ST6GAL1: variants seen among roughly 807,000 people sequenced by gnomAD.
The protein encoded by ST6GAL1 is beta-galactoside alpha-2,6-sialyltransferase 1.
In ST6GAL1, 20 loss-of-function variants were observed where a neutral mutation model predicts 38.0. That is an observed-to-expected ratio of 0.53 (90% confidence interval 0.37 to 0.77). The LOEUF is 0.77. ST6GAL1 is among the 30% of genes least tolerant of loss of function. The pLI, the probability that ST6GAL1 is intolerant of heterozygous loss-of-function variation, is 0.00. For synonymous variants in ST6GAL1, 196 were observed against 188.2 expected, an observed-to-expected ratio of 1.04 and a Z score of -0.34; for missense variants, 432 against 496.4, an observed-to-expected ratio of 0.87 and a Z score of 1.23.
Position 187,077,562 on chromosome 3 carries a change from C to T in ST6GAL1, c.*1759C>T, listed in dbSNP as rs1719606226. On this transcript the variant is annotated 3_prime_UTR_variant, in exon 8 of 8. Coordinates refer to ENST00000169298, the MANE Select transcript of ST6GAL1 (RefSeq NM_173216.2). The stretch of plus-strand genomic sequence containing the variant: ...TTTCAAATTGATGCTCCCCTACTGA[C>T]TAGCTGTGCCACTCTGGGCAAATGC... The T allele has an allele frequency of 1.3e-5, 2 of 152,338 alleles. No homozygotes were observed. The highest frequency in any genetic ancestry group is 4.1e-4 in the South Asian group (2 of 4,834). The allele number at this position is 152,338 out of a possible 1,614,324, so 9.4% of individuals were successfully genotyped here.
Position 186,984,941 on chromosome 3 carries a change from C to G in ST6GAL1, c.-183+21015C>G, listed in dbSNP as rs150083402. ...TCTTTCTTTCTGAGATAGGGTCTCG[C>G]TCTGTCACCCAGGCTGAAGTGCAGT... On this transcript the variant is annotated intron_variant, in intron 2 of 7. Coordinates refer to ENST00000169298, the MANE Select transcript of ST6GAL1 (RefSeq NM_173216.2). Among the ~76,000 whole-genome samples, 217 of 151,494 alleles carry G rather than the reference C, an allele frequency of 1.4e-3. 1 individual carries two copies. Among genetic ancestry groups the G allele is most frequent in the African/African-American group, 4.9e-3 (200 of 41,198 alleles).
rs573004789 is a variant in ST6GAL1, at chr3:187,021,025, C to T, written c.-182-17717C>T. Among the ~76,000 whole-genome samples the T allele has an allele frequency of 4.6e-5, 7 of 150,924 alleles. No individual in the cohort carries two copies. In the East Asian group the frequency reaches 1.4e-3, roughly 30 times the overall value. Reference sequence around the variant, plus strand: ...TGTCACCCAGGCTGGAGTGCAATGGCGTGATCTCTGCCCACTGAGCCTCTG... The same window carrying T: ...TGTCACCCAGGCTGGAGTGCAATGGTGTGATCTCTGCCCACTGAGCCTCTG... On this transcript the variant is annotated intron_variant, in intron 2 of 7. Transcript: ENST00000169298.
chr3:187,026,609 C>T (rs958288804), intron 2 of ST6GAL1, among the ~76,000 whole-genome samples: 3 of 152,178 alleles, frequency 2.0e-5, no homozygotes, highest in Non-Finnish European at 4.4e-5. Context: ...ACTTACAGTA[C>T]AAAAGCCAGG....
chr3:187,030,349 A>G (rs1227967912), intron 2 of ST6GAL1, among the ~76,000 whole-genome samples: 1 of 152,220 alleles, frequency 6.6e-6, no homozygotes, highest in Non-Finnish European at 1.5e-5. Flanking sequence ...AACACTTGCT[A>G]GAGGCAACAA....
At chr3:187,033,083 G>A (rs1284685852) in intron 2 of ST6GAL1, among the ~76,000 whole-genome samples, 1 of 152,318 alleles carries the variant, frequency 6.6e-6, no homozygotes. Context: ...GCCCCCAAGA[G>A]TTTTGCCTTA....
At chr3:186,955,677 AT>A (rs1344764881) in intron 1 of ST6GAL1, among the ~76,000 whole-genome samples, 3 of 151,664 alleles carry the variant, frequency 2.0e-5, no homozygotes, top group African/African-American at 7.3e-5. Flanking sequence ...TAATTTTTGT[AT>A]TTTTAGTAGA....
intron 2 of ST6GAL1, among the ~76,000 whole-genome samples, chr3:186,980,603 C>CAAAAAAA (rs34503745): frequency 2.2e-5 from 2 of 92,168 alleles, no homozygotes; most frequent in African/African-American, 4.4e-5. Flanking sequence ...ACTAAAATTA[C>CAAAAAAA]AAAAAAAAAA....
chr3:187,050,887 T>C (rs1200371319), intron 4 of ST6GAL1, among the ~76,000 whole-genome samples: 1 of 152,238 alleles, frequency 6.6e-6, no homozygotes, highest in Non-Finnish European at 1.5e-5. Context: ...CTACTGGTGA[T>C]ACCAAGAGAA....
chr3:186,969,418 C>T (rs1196051676), intron 2 of ST6GAL1, among the ~76,000 whole-genome samples: 3 of 152,144 alleles, frequency 2.0e-5, no homozygotes, highest in African/African-American at 4.8e-5. Flanking sequence ...TTCCCGTAAA[C>T]ACTAATGATA....
intron 5 of ST6GAL1, among the ~76,000 whole-genome samples, chr3:187,056,143 G>C (rs1019082121): frequency 7.4e-4 from 112 of 151,288 alleles, no homozygotes; most frequent in Non-Finnish European, 1.9e-4. Context: ...GCTTTTTTTT[G>C]CTTTCCATTT....
chr3:186,935,445 A>G (rs1579249386), intron 1 of ST6GAL1, among the ~76,000 whole-genome samples: 1 of 152,238 alleles, frequency 6.6e-6, no homozygotes, highest in East Asian at 1.9e-4. Context: ...GCTGTTGTGA[A>G]TAGTGCTGCA....
intron 2 of ST6GAL1, among the ~76,000 whole-genome samples, chr3:186,968,509 A>G (rs775694909): frequency 6.6e-6 from 1 of 152,186 alleles, no homozygotes; most frequent in Non-Finnish European, 1.5e-5. Context: ...TCCGAGCTTT[A>G]TCCCTCCTTC....
At position 187,076,735 on chromosome 3, in the gene ST6GAL1, C is replaced by T; in HGVS notation, c.*932C>T. 1 of 398,270 alleles carries T rather than the reference C, an allele frequency of 2.5e-6. No homozygotes were observed. The highest frequency in any genetic ancestry group is 4.4e-6 in the Non-Finnish European group (1 of 226,046). 24.7% of individuals were successfully genotyped at this position (398,270 alleles called of 1,614,324 possible). A position where few individuals can be genotyped will look rare whatever the true frequency, so the allele number is the denominator to read the frequency against. On this transcript the variant is annotated 3_prime_UTR_variant, in exon 8 of 8. Coordinates refer to ENST00000169298, the MANE Select transcript of ST6GAL1 (RefSeq NM_173216.2). ...TTTGAATTGTGTTTTTCTTTCTTCCCATGTTTATTTTCTAAGATCTACCTG... is the reference window on the plus strand; with the variant it reads ...TTTGAATTGTGTTTTTCTTTCTTCCTATGTTTATTTTCTAAGATCTACCTG...
At chr3:186,967,325 G>C (rs1006275964) in intron 2 of ST6GAL1, among the ~76,000 whole-genome samples, 4 of 152,204 alleles carry the variant, frequency 2.6e-5, no homozygotes, top group African/African-American at 9.6e-5. Flanking sequence ...CCAAGTAGCT[G>C]AGATTACAGG....
chr3:186,994,128 G>A (rs16861421), intron 2 of ST6GAL1, among the ~76,000 whole-genome samples: 3,503 of 152,192 alleles, frequency 0.023, 128 homozygotes, highest in East Asian at 0.15. Flanking sequence ...AAAATATGTC[G>A]ATTCAGCTCT....
At chr3:186,935,931 A>C (rs1396602670) in intron 1 of ST6GAL1, among the ~76,000 whole-genome samples, 1 of 151,522 alleles carries the variant, frequency 6.6e-6, no homozygotes, top group Non-Finnish European at 1.5e-5. Context: ...CACATAAGTG[A>C]GTAATATCTC....
intron 1 of ST6GAL1, among the ~76,000 whole-genome samples, chr3:186,962,247 A>G (rs942207774): frequency 6.6e-6 from 1 of 152,032 alleles, no homozygotes; most frequent in African/African-American, 2.4e-5. Flanking sequence ...CTTTGTATCT[A>G]AGGGTTTCTT....
In ST6GAL1 at chr3:187,042,663, C is replaced by T. The variant is rs762227955; in HGVS notation, c.-41C>T. On this transcript the variant is annotated 5_prime_UTR_variant, in exon 4 of 8. Coordinates refer to ENST00000169298, the MANE Select transcript of ST6GAL1 (RefSeq NM_173216.2). ...GTCTCACTTTTTTTAGGCTTGTTTT[C>T]CTGCTCAGAACAAAGTGACTTCCCT... 4 of 1,542,050 alleles carry T rather than the reference C, an allele frequency of 2.6e-6. No homozygotes were observed. The Admixed American group carries it at 6.6e-5, about 25-fold the overall frequency.
chr3:187,066,408 A>T (rs2108598981), intron 5 of ST6GAL1, among the ~76,000 whole-genome samples: 1 of 152,234 alleles, frequency 6.6e-6, no homozygotes, highest in East Asian at 1.9e-4. Context: ...GCCCCACCAC[A>T]TGACACATTT....
Sources: allele counts gnomAD v4.1 joint callset (sites outside exome capture counted in the v4.1 genomes callset), GRCh38; gene constraint gnomAD v4.1.1; transcripts MANE v1.5; gene names NCBI Gene and HGNC (gene_info 2026-07-23, HGNC 2026-07-21).